Variants in LRRC7 observed in about 807,000 individuals in gnomAD.
LRRC7 encodes leucine-rich repeat-containing protein 7.
A neutral mutation model predicts 175.7 loss-of-function variants in LRRC7; 23 were observed. The ratio of observed to expected loss-of-function variants is 0.13; its 90% CI spans 0.09 to 0.19. LRRC7 has a LOEUF of 0.19. Ranked by LOEUF, LRRC7 falls within the 10% of genes least tolerant of loss-of-function variation. LRRC7 has a pLI of 1.00. For synonymous variants in LRRC7, 685 were observed against 680.9 expected, an observed-to-expected ratio of 1.01 and a Z score of -0.09; for missense variants, 1,354 against 1,904.7, an observed-to-expected ratio of 0.71 and a Z score of 5.38.
chr1:70,019,570 A>T (rs1453594598), intron 15 of LRRC7, among the ~76,000 whole-genome samples: 1 of 151,986 alleles, frequency 6.6e-6, no homozygotes, highest in Non-Finnish European at 1.5e-5. Flanking sequence ...ATCCATGTGA[A>T]TGAGGCCAAC....
At chr1:69,572,093 A>AT (rs1328092550) in intron 1 of LRRC7, among the ~76,000 whole-genome samples, 1 of 152,146 alleles carries the variant, frequency 6.6e-6, no homozygotes, top group Non-Finnish European at 1.5e-5. Context: ...TCTGTGACAT[A>AT]TAACAGACTT....
chr1:69,642,743 A>G (rs541885356), intron 1 of LRRC7, among the ~76,000 whole-genome samples: 1 of 152,248 alleles, frequency 6.6e-6, no homozygotes, highest in South Asian at 2.1e-4. Context: ...TGAAAACTTT[A>G]TGAAAATTGC....
At chr1:69,695,605 A>G (rs945632183) in intron 2 of LRRC7, among the ~76,000 whole-genome samples, 17 of 152,160 alleles carry the variant, frequency 1.1e-4, no homozygotes, top group African/African-American at 4.1e-4. Flanking sequence ...GCCATCAGAA[A>G]TCTTTGAGGC....
intron 7 of LRRC7, chr1:69,919,481 G>T: frequency 2.1e-6 from 2 of 954,734 alleles, no homozygotes; most frequent in Admixed American, 2.0e-5. Flanking sequence ...GGGAACAGCA[G>T]CAGTGGCGGC....
chr1:69,927,571 C>G (rs1168077242), intron 7 of LRRC7, among the ~76,000 whole-genome samples: 14 of 152,186 alleles, frequency 9.2e-5, no homozygotes, highest in Non-Finnish European at 2.1e-4. Flanking sequence ...TCTTCCATCA[C>G]TGATACCCTT....
intron 1 of LRRC7, among the ~76,000 whole-genome samples, chr1:69,573,379 C>A (rs1159048112): frequency 2.0e-5 from 3 of 152,092 alleles, no homozygotes; most frequent in African/African-American, 7.2e-5. Context: ...TTTGAACCAG[C>A]TTTTGAAAGC....
At chr1:70,012,057 A>G (rs1460309626) in intron 12 of LRRC7, 131 bp downstream of exon 12, 6 of 487,626 alleles carry the variant, frequency 1.2e-5, no homozygotes, top group Non-Finnish European at 2.1e-5. Flanking sequence ...ATCTACATAT[A>G]TATTTGCTAA....
intron 3 of LRRC7, among the ~76,000 whole-genome samples, chr1:69,767,285 T>C (rs1489756962): frequency 1.3e-5 from 2 of 152,162 alleles, no homozygotes; most frequent in Non-Finnish European, 2.9e-5. Flanking sequence ...AATATAACAC[T>C]TTTATAAATG....
intron 1 of LRRC7, among the ~76,000 whole-genome samples, chr1:69,665,453 G>C (rs1658129409): frequency 1.3e-5 from 2 of 152,074 alleles, no homozygotes; most frequent in South Asian, 4.1e-4. Flanking sequence ...TCCAATTCAT[G>C]AACATGGAAT....
chr1:69,593,560 T>G (rs931500116), intron 1 of LRRC7, among the ~76,000 whole-genome samples: 1 of 152,166 alleles, frequency 6.6e-6, no homozygotes, highest in Non-Finnish European at 1.5e-5. Context: ...TCTCATTTTT[T>G]TCTTAACCTT....
chr1:69,618,129 C>T (rs1649976686), intron 1 of LRRC7, among the ~76,000 whole-genome samples: 1 of 151,938 alleles, frequency 6.6e-6, no homozygotes, highest in South Asian at 2.1e-4. Flanking sequence ...ACACTTATCT[C>T]ATTTTTTTCC....
At chr1:69,897,390 T>C (rs1480941514) in intron 7 of LRRC7, among the ~76,000 whole-genome samples, 1 of 152,178 alleles carries the variant, frequency 6.6e-6, no homozygotes, top group Non-Finnish European at 1.5e-5. Context: ...TTACAATCTG[T>C]CTATAATTCT....
intron 23 of LRRC7, among the ~76,000 whole-genome samples, chr1:70,055,470 G>A (rs898552509): frequency 6.6e-6 from 1 of 152,184 alleles, no homozygotes; most frequent in Non-Finnish European, 1.5e-5. Context: ...TGGAAACAAT[G>A]GGTGGTGGAA....
At chr1:70,067,042 C>A (rs2102101971) in intron 23 of LRRC7, among the ~76,000 whole-genome samples, 1 of 152,066 alleles carries the variant, frequency 6.6e-6, no homozygotes, top group Non-Finnish European at 1.5e-5. Context: ...CGTTGAACAT[C>A]TTTTTATGTA....
chr1:69,903,775 A>G (rs1228725637), intron 7 of LRRC7, among the ~76,000 whole-genome samples: 1 of 152,152 alleles, frequency 6.6e-6, no homozygotes, highest in Non-Finnish European at 1.5e-5. Flanking sequence ...ATAAAGAAGA[A>G]AAGAGAGAAG....
At chr1:70,109,331 T>A (rs1274519047) in intron 26 of LRRC7, among the ~76,000 whole-genome samples, 2 of 152,104 alleles carry the variant, frequency 1.3e-5, no homozygotes, top group African/African-American at 4.8e-5. Flanking sequence ...CTCTCCGAAA[T>A]ATTTTAAACT....
intron 8 of LRRC7, among the ~76,000 whole-genome samples, chr1:69,957,533 G>T (rs1435747411): frequency 6.6e-6 from 1 of 151,614 alleles, no homozygotes; most frequent in South Asian, 2.1e-4. Context: ...AGGTAATTGG[G>T]TATTATGTAG....
At chr1:69,951,671 A>G (rs1649946200) in intron 8 of LRRC7, among the ~76,000 whole-genome samples, 1 of 152,166 alleles carries the variant, frequency 6.6e-6, no homozygotes, top group Non-Finnish European at 1.5e-5. Flanking sequence ...TATTATCCTT[A>G]GCAAACTAAT....
At position 70,125,648 on chromosome 1, in the gene LRRC7, C is replaced by A. The variant is rs1217651159; in HGVS notation, c.*3761C>A. On this transcript the variant is annotated 3_prime_UTR_variant, in exon 27 of 27. Transcript: ENST00000651989. ...TCTACTAAAAATACAAAAAATTAGC[C>A]GGGCGTAGTGGCGGGCGCCTGTAGT... 6.6e-6 allele frequency among the ~76,000 whole-genome samples: 1 copy of A among 150,662 alleles called. No homozygotes were observed. Among genetic ancestry groups the A allele is most frequent in the African/African-American group, 2.4e-5 (1 of 40,996 alleles).
Sources: gnomAD v4.1 joint callset for allele counts (sites outside exome capture counted in the v4.1 genomes callset) on GRCh38, gnomAD v4.1.1 for gene constraint, MANE v1.5 for transcripts, NCBI Gene and HGNC (gene_info 2026-07-23, HGNC 2026-07-21) for gene names.